BCL2L12: variants seen among roughly 807,000 people sequenced by gnomAD.
BCL2L12 encodes bcl-2-like protein 12.
BCL2L12 carries 27 observed loss-of-function variants against 25.7 expected under a neutral mutation model. That is an observed-to-expected ratio of 1.05 (90% CI 0.78 to 1.45). The LOEUF (loss-of-function observed/expected upper bound fraction) is 1.45, where lower values mean the gene tolerates loss of function less well. Ranked by LOEUF, BCL2L12 falls within the 40% of genes most tolerant of loss-of-function variation. The probability of loss-of-function intolerance (pLI) is 0.00; values close to 1 mark genes in which losing one functional copy is unlikely to be tolerated. For synonymous variants in BCL2L12, 132 were observed against 145.6 expected (o/e 0.91, Z 0.67); for missense variants, 302 against 329.8 (o/e 0.92, Z 0.65).
rs200118913 is a variant in BCL2L12 at position 49,667,147 on chromosome 19, A to G, written c.236A>G (p.Tyr79Cys). The G allele has an allele frequency of 6.2e-6, 10 of 1,613,732 alleles. No homozygotes were observed. In the Middle Eastern group the frequency reaches 5.0e-4, roughly 80 times the overall value. The change falls in exon 3 of 7, where the codon TAT becomes TGT. Residue 79 changes from tyrosine (Y) to cysteine (C), a missense_variant. Physicochemically the swap from Tyr to Cys is radical, Grantham distance 194. Transcript: ENST00000246784. ...TGCTCTCTGCCCATCCGCCCCTGCT[A>G]TGGTTTAGAGCCTGGTAAGAGATTT... ...RPCSLPIRPCYGLEPGPATPD... is the reference protein window; with the variant it reads ...RPCSLPIRPCCGLEPGPATPD...
At chr19:49,666,213 A>T in intron 1 of BCL2L12, 146 bp downstream of exon 1, 3 of 1,170,848 alleles carry the variant, frequency 2.6e-6, no homozygotes, top group East Asian at 2.6e-5. Flanking sequence ...TTGGAACTAC[A>T]CCTCACAGCA....
chr19:49,667,281 C>T (rs1011822820), intron 3 of BCL2L12, 120 bp downstream of exon 3: 8 of 1,367,806 alleles, frequency 5.8e-6, no homozygotes, highest in Non-Finnish European at 6.0e-6. Context: ...CAGGACAGAA[C>T]CGTCCTGTCC....
At chr19:49,669,583 G>C (rs2081909350) in intron 5 of BCL2L12, among the ~76,000 whole-genome samples, 1 of 151,740 alleles carries the variant, frequency 6.6e-6, no homozygotes, top group South Asian at 2.1e-4. Context: ...GGTATGGTTA[G>C]GGTAGTACTG....
chr19:49,666,652 T>C (rs2081781766), intron 1 of BCL2L12, 33 bp from the exon 2 acceptor site: 1 of 1,507,266 alleles, frequency 6.6e-7, no homozygotes, highest in Non-Finnish European at 9.0e-7. Flanking sequence ...TGCTAAACCC[T>C]TGGAGTCCAG....
upstream of BCL2L12, chr19:49,665,673 C>T (rs973633918): frequency 1.3e-5 from 14 of 1,083,746 alleles, no homozygotes; most frequent in East Asian, 4.9e-5. Flanking sequence ...GGAACCCACC[C>T]CTGTCTTGGA....
chr19:49,666,711 C>A lies in BCL2L12; in HGVS notation c.19C>A (p.Leu7Met). 6.4e-7 allele frequency: 1 copy of A among 1,554,308 alleles called. No individual in the cohort carries two copies. Among genetic ancestry groups the A allele is most frequent in the Non-Finnish European group, 8.7e-7 (1 of 1,148,292 alleles). ...TGCCTCCATGGCAGGCTCTGAAGAG[C>A]TGGGGCTCCGGGAAGACACGCTGAG... Reference protein sequence around the residue: MAGSEELGLREDTLRVL... With the variant: MAGSEEMGLREDTLRVL... The change falls in exon 2 of 7, where the codon CTG (leucine) becomes ATG (methionine). Residue 7 changes from leucine to methionine, a missense_variant. Transcript: ENST00000246784.
chr19:49,665,725 C>T, upstream of BCL2L12: 1 of 1,463,502 alleles, frequency 6.8e-7, no homozygotes. Flanking sequence ...CACCCCCTTT[C>T]CCGTCAGCTG....
chr19:49,669,679 A>G (rs1314005224), intron 5 of BCL2L12, among the ~76,000 whole-genome samples: 1 of 151,960 alleles, frequency 6.6e-6, no homozygotes, highest in Admixed American at 6.6e-5. Flanking sequence ...ATTATCCACA[A>G]GAGACTGGCC....
chr19:49,666,845 C>G, intron 2 of BCL2L12, 46 bp downstream of exon 2: 1 of 1,531,096 alleles, frequency 6.5e-7, no homozygotes, highest in Non-Finnish European at 8.9e-7. Context: ...ATTTGAGGCT[C>G]CCTCCTAACT....
Position 49,669,033 on chromosome 19 carries a change from G to T in BCL2L12, c.347G>T (p.Gly116Val), listed in dbSNP as rs1259228867. The change falls in exon 5 of 7, where the codon GGT becomes GTT. Residue 116 changes from glycine (G) to valine (V), a missense_variant. Transcript: ENST00000246784. ...TCTCTTCTGCCTCCAGAATTACAGG[G>T]TCCCCCATCGACAGAGAAGGAAGCC... is the stretch of plus-strand genomic sequence containing the variant. ...LKSPPSPELQ[G>V]PPSTEKEAIL... The T allele has an allele frequency of 8.7e-6, 14 of 1,614,052 alleles. No individual in the cohort carries two copies. The highest frequency in any genetic ancestry group is 1.1e-5 in the Non-Finnish European group (13 of 1,179,980).
intron 2 of BCL2L12, 47 bp downstream of exon 2, chr19:49,666,846 C>T: frequency 1.3e-6 from 2 of 1,528,538 alleles, no homozygotes; most frequent in Non-Finnish European, 8.9e-7. Flanking sequence ...TTTGAGGCTC[C>T]CTCCTAACTC....
At chr19:49,671,076 C>T (rs1355469535) in intron 6 of BCL2L12, among the ~76,000 whole-genome samples, 3 of 152,096 alleles carry the variant, frequency 2.0e-5, no homozygotes, top group African/African-American at 4.8e-5. Context: ...GCATGAGAAT[C>T]GCTTGAACCT....
chr19:49,669,687 G>C (rs905171558), intron 5 of BCL2L12, among the ~76,000 whole-genome samples: 13 of 151,932 alleles, frequency 8.6e-5, no homozygotes, highest in Admixed American at 3.9e-4. Flanking sequence ...CAAGAGACTG[G>C]CCAAGCTGGG....
upstream of BCL2L12, chr19:49,665,608 T>C: frequency 3.4e-6 from 2 of 582,850 alleles, no homozygotes. Flanking sequence ...CCACCAACGC[T>C]CTCCCGGGCT....
In BCL2L12 at chr19:49,673,176, A is replaced by C. The variant is rs75344814; in HGVS notation, c.703-522A>C. Among the ~76,000 whole-genome samples the C allele has an allele frequency of 3.8e-3, 576 of 152,010 alleles. 4 individuals carry two copies. Among genetic ancestry groups the C allele is most frequent in the African/African-American group, 0.013 (555 of 41,458 alleles). On this transcript the variant is annotated intron_variant, in intron 6 of 6. Transcript: ENST00000246784. The stretch of plus-strand genomic sequence containing the variant: ...TACCACGCCTGGACAATTTCTTAAA[A>C]AATTTTTTTAAAGTAGGATTGATAG...
At chr19:49,670,536 C>A in intron 6 of BCL2L12, 48 bp downstream of exon 6, 1 of 1,521,750 alleles carries the variant, frequency 6.6e-7, no homozygotes, top group South Asian at 1.2e-5. Context: ...ACCTAACTGT[C>A]ATGTGATAGA....
intron 3 of BCL2L12, 120 bp from the exon 4 acceptor site, chr19:49,668,731 A>G: frequency 9.8e-7 from 1 of 1,021,270 alleles, no homozygotes; most frequent in Non-Finnish European, 1.4e-6. Context: ...CAAAATCAAT[A>G]CATAAATAAA....
At position 49,670,377 on chromosome 19, in the gene BCL2L12, C is replaced by G. The variant is rs1287609708; in HGVS notation, c.591C>G (p.Ala197=). Residue 197 remains alanine (A), a synonymous_variant, in exon 6 of 7, where the codon GCC becomes GCG. Coordinates refer to ENST00000246784, the MANE Select transcript of BCL2L12 (RefSeq NM_138639.2). ...CCCCGGAGCCCCTGGCCCGCCTGGC[C>G]CTAGCCATGGAGCTGAGCCGGCGCG... is the stretch of plus-strand genomic sequence containing the variant. ...PPSPEPLARL[A]LAMELSRRVA... 6.3e-7 allele frequency: 1 copy of G among 1,578,510 alleles called. No individual in the cohort carries two copies. The highest frequency in any genetic ancestry group is 1.1e-5 in the South Asian group (1 of 87,298).
rs758781292 is a variant in BCL2L12, at chr19:49,670,335, C to G, written c.549C>G (p.Pro183=). 1.2e-6 allele frequency: 2 copies of G among 1,601,646 alleles called. No individual in the cohort carries two copies. The highest frequency in any genetic ancestry group is 2.7e-5 in the African/African-American group (2 of 74,784). ...GCTCTCGCCCAAGCCGAGCATGCCC[C>G]GGGCCCCCGCCTCCTTCCCCGGAGC... ...DDSSRPSRAC[P]GPPPPSPEPL... is the part of the protein sequence containing the mutation. Residue 183 remains proline, a synonymous_variant, in exon 6 of 7, where the codon CCC becomes CCG. Transcript: ENST00000246784.
Sources: allele counts gnomAD v4.1 joint callset (sites outside exome capture counted in the v4.1 genomes callset), GRCh38; gene constraint gnomAD v4.1.1; transcripts MANE v1.5; gene names NCBI Gene and HGNC (gene_info 2026-07-23, HGNC 2026-07-21).